Variants in PRKAG2 observed in about 807,000 individuals in gnomAD.
PRKAG2 encodes the protein protein kinase AMP-activated non-catalytic subunit gamma 2.
A neutral mutation model predicts 69.6 loss-of-function variants in PRKAG2; 26 were observed. That is an observed-to-expected ratio of 0.37 (90% CI 0.27 to 0.52). The LOEUF (loss-of-function observed/expected upper bound fraction) is 0.52, where lower values mean the gene tolerates loss of function less well. Ranked by LOEUF, PRKAG2 falls within the 20% of genes least tolerant of loss-of-function variation. The pLI, the probability that PRKAG2 is intolerant of heterozygous loss-of-function variation, is 0.90. For missense variants in PRKAG2, 557 were observed against 740.0 expected (o/e 0.75, Z 2.87); for synonymous variants, 293 against 285.0 (o/e 1.03, Z -0.28).
intron 1 of PRKAG2, among the ~76,000 whole-genome samples, chr7:151,797,106 C>T (rs1447938543): frequency 6.6e-6 from 1 of 152,154 alleles, no homozygotes; most frequent in Non-Finnish European, 1.5e-5. Context: ...GCCACCCAGA[C>T]TTCAGAGAGG....
At chr7:151,714,109 A>G (rs1489234039) in intron 3 of PRKAG2, among the ~76,000 whole-genome samples, 1 of 152,070 alleles carries the variant, frequency 6.6e-6, no homozygotes, top group African/African-American at 2.4e-5. Flanking sequence ...CTTACTAGCT[A>G]GGTAGCTGAA....
At chr7:151,684,573 A>G (rs1834403570) in intron 3 of PRKAG2, among the ~76,000 whole-genome samples, 1 of 152,220 alleles carries the variant, frequency 6.6e-6, no homozygotes, top group Admixed American at 6.5e-5. Flanking sequence ...GGCAGCTGCC[A>G]TTGATAGCAG....
chr7:151,676,452 G>A (rs1406399205), intron 3 of PRKAG2, among the ~76,000 whole-genome samples: 1 of 152,064 alleles, frequency 6.6e-6, no homozygotes, highest in Non-Finnish European at 1.5e-5. Flanking sequence ...GGAAAAGGGA[G>A]GGGGCAAATA....
intron 1 of PRKAG2, among the ~76,000 whole-genome samples, chr7:151,805,164 T>C (rs1208537575): frequency 6.6e-6 from 1 of 152,134 alleles, no homozygotes; most frequent in Non-Finnish European, 1.5e-5. Flanking sequence ...GACTTCTGGG[T>C]TAGGTGAGAA....
intron 3 of PRKAG2, among the ~76,000 whole-genome samples, chr7:151,778,110 G>A (rs2076481530): frequency 6.6e-6 from 1 of 151,980 alleles, no homozygotes; most frequent in Non-Finnish European, 1.5e-5. Flanking sequence ...TCACCTAGAG[G>A]CCGACTCAGT....
At chr7:151,595,196 G>A in intron 6 of PRKAG2, 149 bp downstream of exon 6, 1 of 642,536 alleles carries the variant, frequency 1.6e-6, no homozygotes, top group African/African-American at 1.8e-5. Context: ...TTGCCAAGAT[G>A]TTGAGAATTC....
intron 3 of PRKAG2, among the ~76,000 whole-genome samples, chr7:151,723,557 C>T (rs552532031): frequency 1.4e-4 from 22 of 152,338 alleles, no homozygotes; most frequent in South Asian, 6.3e-4. Flanking sequence ...CCTCTGCTTT[C>T]GCCGATGGGC....
intron 3 of PRKAG2, among the ~76,000 whole-genome samples, chr7:151,775,652 G>A (rs555942302): frequency 1.3e-5 from 2 of 152,324 alleles, no homozygotes; most frequent in South Asian, 2.1e-4. Context: ...GAGGAAATGC[G>A]CTATTACACG....
At chr7:151,855,025 CA>C (rs2079680488) in intron 1 of PRKAG2, among the ~76,000 whole-genome samples, 1 of 86,128 alleles carries the variant, frequency 1.2e-5, no homozygotes, top group Non-Finnish European at 2.5e-5. Flanking sequence ...CCTCCACACA[CA>C]CCATGCTCCA....
In PRKAG2 at chr7:151,567,818, G is replaced by A. The variant is rs942027961; in HGVS notation, c.1233+898C>T. Among the ~76,000 whole-genome samples, 1 of 152,182 alleles carries A rather than the reference G, an allele frequency of 6.6e-6. No individual in the cohort carries two copies. The highest frequency in any genetic ancestry group is 2.4e-5 in the African/African-American group (1 of 41,448). On this transcript the variant is annotated intron_variant, in intron 11 of 15. Transcript: ENST00000287878. This position sits in a 1 kb window ranked among gnomAD's most constrained non-coding sequence, Gnocchi z 4.2. ...GCCCTCTGTGCTTCTGTCAGCAAAA[G>A]GGGTCCCTCAAGCTGCCTCCAGGGC... is the stretch of plus-strand genomic sequence containing the variant.
At chr7:151,700,376 C>G (rs1261989689) in intron 3 of PRKAG2, among the ~76,000 whole-genome samples, 3 of 152,054 alleles carry the variant, frequency 2.0e-5, no homozygotes, top group Non-Finnish European at 4.4e-5. Flanking sequence ...CTCCAGGCCC[C>G]CACCCCAGAC....
chr7:151,598,442 T>G (rs1416082361), intron 5 of PRKAG2, among the ~76,000 whole-genome samples: 1 of 152,160 alleles, frequency 6.6e-6, no homozygotes, highest in Non-Finnish European at 1.5e-5. Context: ...AGGGAGGATT[T>G]TGAATGTTCC....
At chr7:151,854,662 G>C (rs1338232820) in intron 1 of PRKAG2, among the ~76,000 whole-genome samples, 5 of 152,226 alleles carry the variant, frequency 3.3e-5, no homozygotes, top group African/African-American at 1.2e-4. Context: ...ATTGGGCTGA[G>C]ACTGGAGCTC....
In PRKAG2 at chr7:151,801,609, G is replaced by A. The variant is rs539326433; in HGVS notation, c.115-15068C>T. Among the ~76,000 whole-genome samples, 4 of 152,354 alleles carry A rather than the reference G, an allele frequency of 2.6e-5. No individual in the cohort carries two copies. The South Asian group carries it at 8.3e-4, about 32-fold the overall frequency. ...GTTTCTTGGTTGGGGACTCAAGGCT[G>A]CAAACCACGGCGCTAATGAACCTAA... On this transcript the variant is annotated intron_variant, in intron 1 of 15. Coordinates refer to ENST00000287878, the MANE Select transcript of PRKAG2 (RefSeq NM_016203.4).
At chr7:151,813,491 G>GGA (rs1482948619) in intron 1 of PRKAG2, among the ~76,000 whole-genome samples, 1 of 84,554 alleles carries the variant, frequency 1.2e-5, no homozygotes, top group Non-Finnish European at 2.7e-5. Context: ...GCGATTGTAA[G>GGA]GAAAAAAAAA....
At chr7:151,790,154 T>C (rs1351681736) in intron 1 of PRKAG2, among the ~76,000 whole-genome samples, 4 of 152,078 alleles carry the variant, frequency 2.6e-5, no homozygotes, top group East Asian at 1.9e-4. Flanking sequence ...GCCCGGCCCA[T>C]AGCAATGCAG....
chr7:151,772,259 C>T (rs943161982), intron 3 of PRKAG2, among the ~76,000 whole-genome samples: 1 of 152,190 alleles, frequency 6.6e-6, no homozygotes, highest in African/African-American at 2.4e-5. Flanking sequence ...ATTCCCAACA[C>T]ACATAATGCC....
intron 1 of PRKAG2, among the ~76,000 whole-genome samples, chr7:151,789,646 G>T (rs2077179659): frequency 6.6e-6 from 1 of 152,252 alleles, no homozygotes; most frequent in African/African-American, 2.4e-5. Context: ...GATCTCAGAT[G>T]TGCAGATTCC....
chr7:151,692,046 G>C (rs1206258662), intron 3 of PRKAG2, among the ~76,000 whole-genome samples: 2 of 152,060 alleles, frequency 1.3e-5, no homozygotes, highest in Non-Finnish European at 2.9e-5. Context: ...AAGTTGGCTG[G>C]GTGCAGTGGC....
Sources: allele counts gnomAD v4.1 joint callset (sites outside exome capture counted in the v4.1 genomes callset), GRCh38; gene constraint gnomAD v4.1.1; non-coding constraint Gnocchi (gnomAD v3.1); transcripts MANE v1.5; gene names NCBI Gene and HGNC (gene_info 2026-07-23, HGNC 2026-07-21).